Variants in KANK1 observed in about 807,000 individuals in gnomAD.
KANK1 encodes KN motif and ankyrin repeat domains 1.
Under a neutral mutation model 106.2 loss-of-function variants are expected in KANK1, and 109 were observed. That is an observed-to-expected ratio of 1.03 (90% confidence interval 0.88 to 1.20). The LOEUF (loss-of-function observed/expected upper bound fraction) is 1.20. KANK1 is among the 50% of genes most tolerant of loss of function. The pLI, the probability that KANK1 is intolerant of heterozygous loss-of-function variation, is 0.00. For synonymous variants in KANK1, 873 were observed against 652.2 expected (o/e 1.34, Z -5.16); for missense variants, 2,399 against 1,710.7 (o/e 1.40, Z -7.10).
chr9:492,237 A>G (rs1427999796), intron 3 of KANK1: 1 of 152,090 alleles, frequency 6.6e-6, no homozygotes, highest in Non-Finnish European at 1.5e-5. Flanking sequence ...TAGTTTATTT[A>G]CTCTGTGACT....
At chr9:652,236 G>T (rs1164320265) in intron 1 of KANK1, among the ~76,000 whole-genome samples, 2 of 152,150 alleles carry the variant, frequency 1.3e-5, no homozygotes, top group Admixed American at 1.3e-4. Flanking sequence ...TGTTTGCAGT[G>T]TGGGCCAGGT....
chr9:662,757 G>A (rs1050504883), intron 1 of KANK1, among the ~76,000 whole-genome samples: 1 of 150,662 alleles, frequency 6.6e-6, no homozygotes, highest in African/African-American at 2.5e-5. Context: ...CACCTCCTGG[G>A]TTGAAGTGAT....
intron 1 of KANK1, among the ~76,000 whole-genome samples, chr9:646,101 A>C (rs1447260554): frequency 1.3e-5 from 2 of 150,848 alleles, no homozygotes; most frequent in East Asian, 3.8e-4. Context: ...AAGTTTCTCT[A>C]AGTTTGTTTA....
chr9:670,952 T>G (rs961773988), intron 1 of KANK1, among the ~76,000 whole-genome samples: 2 of 22,714 alleles, frequency 8.8e-5, no homozygotes, highest in Non-Finnish European at 1.5e-4. Context: ...TGCTGGAGTT[T>G]TTTTTTTTTT....
chr9:675,521 T>C (rs1411212632), intron 1 of KANK1, among the ~76,000 whole-genome samples: 1 of 152,172 alleles, frequency 6.6e-6, no homozygotes, highest in African/African-American at 2.4e-5. Flanking sequence ...TTTTTTTCTT[T>C]TTTTGTTTTA....
intron 1 of KANK1, among the ~76,000 whole-genome samples, chr9:571,008 TA>T (rs1351012470): frequency 2.0e-5 from 3 of 152,212 alleles, no homozygotes; most frequent in African/African-American, 7.2e-5. Context: ...CAAACATATA[TA>T]TTTTTAAAAA....
intron 3 of KANK1, among the ~76,000 whole-genome samples, chr9:727,704 GTGTGTGTGTGTGTA>G (rs1409414337): frequency 1.3e-5 from 2 of 151,730 alleles, no homozygotes; most frequent in Admixed American, 6.6e-5. Flanking sequence ...GTGTGTGTGT[GTGTGTGTGTGTGTA>G]TGTGTGTGTG....
At position 713,113 on chromosome 9, in the gene KANK1, C is replaced by T. The variant is rs775626090; in HGVS notation, c.2347C>T (p.Pro783Ser). Residue 783 changes from proline (P) to serine (S), a missense_variant, in exon 3 of 12, where the codon CCA becomes TCA. Transcript: ENST00000382297. ...GLKMRTIACG[P>S]PQLTVGLTAS... Reference sequence around the variant, plus strand: ...CAAAATGAGGACTATAGCTTGTGGGCCACCACAGTTGACTGTGGGGCTGAC... The same window carrying T: ...CAAAATGAGGACTATAGCTTGTGGGTCACCACAGTTGACTGTGGGGCTGAC... 33 of 1,606,596 alleles carry T rather than the reference C, an allele frequency of 2.1e-5. No individual in the cohort carries two copies. The highest frequency in any genetic ancestry group is 1.1e-5 in the South Asian group (1 of 90,052).
At chr9:572,734 A>G (rs182058377) in intron 1 of KANK1, among the ~76,000 whole-genome samples, 1 of 152,244 alleles carries the variant, frequency 6.6e-6, no homozygotes, top group African/African-American at 2.4e-5. Context: ...TGTTAAGCAG[A>G]AATTTCTAAA....
At chr9:716,018 C>T (rs554704224) in intron 3 of KANK1, among the ~76,000 whole-genome samples, 1 of 152,186 alleles carries the variant, frequency 6.6e-6, no homozygotes, top group Non-Finnish European at 1.5e-5. Context: ...GAATGTATTT[C>T]TGAACCAAAA....
chr9:582,461 C>T (rs1055565830), intron 1 of KANK1, among the ~76,000 whole-genome samples: 2 of 152,140 alleles, frequency 1.3e-5, no homozygotes, highest in South Asian at 2.1e-4. Context: ...AATATTCCTG[C>T]AAAGAAACTC....
intron 2 of KANK1, among the ~76,000 whole-genome samples, chr9:685,263 A>G (rs1487639458): frequency 6.6e-6 from 1 of 152,204 alleles, no homozygotes; most frequent in Non-Finnish European, 1.5e-5. Flanking sequence ...GTTCTATACG[A>G]TGAGTTATCT....
intron 1 of KANK1, among the ~76,000 whole-genome samples, chr9:629,042 G>A (rs1037051130): frequency 8.3e-5 from 12 of 144,300 alleles, no homozygotes; most frequent in East Asian, 2.0e-4. Flanking sequence ...TCATGCCACC[G>A]CACTCCAGCC....
At chr9:647,905 G>A (rs185591542) in intron 1 of KANK1, among the ~76,000 whole-genome samples, 8 of 150,372 alleles carry the variant, frequency 5.3e-5, no homozygotes, top group East Asian at 1.9e-4. Context: ...TAAAGGACCC[G>A]GTTGACCCAG....
At chr9:502,975 C>T (rs1401983594), upstream of KANK1, among the ~76,000 whole-genome samples, 1 of 148,996 alleles carries the variant, frequency 6.7e-6, no homozygotes, top group African/African-American at 2.5e-5. Context: ...GCTGGGACTA[C>T]AGGCGCGCGC....
intron 1 of KANK1, among the ~76,000 whole-genome samples, chr9:593,461 C>CG (rs1563825434): frequency 7.0e-6 from 1 of 143,670 alleles, no homozygotes; most frequent in African/African-American, 2.6e-5. Context: ...TCCCCCCCCC[C>CG]ATATACTTGC....
intron 3 of KANK1, among the ~76,000 whole-genome samples, chr9:492,544 T>A (rs531799599): frequency 1.2e-4 from 19 of 152,314 alleles, no homozygotes; most frequent in Admixed American, 1.2e-3. Context: ...AGGCTGTCTG[T>A]GAGAGACAGT....
At chr9:625,968 C>T (rs1834249784) in intron 1 of KANK1, among the ~76,000 whole-genome samples, 1 of 152,090 alleles carries the variant, frequency 6.6e-6, no homozygotes, top group South Asian at 2.1e-4. Context: ...CTCCCCTGCA[C>T]TCCATTCAAC....
intron 1 of KANK1, among the ~76,000 whole-genome samples, chr9:566,864 C>T (rs1341804077): frequency 2.0e-5 from 3 of 152,192 alleles, no homozygotes; most frequent in Admixed American, 2.0e-4. Flanking sequence ...AATTAGATCC[C>T]ATTTGTCAAT....
Sources: gnomAD v4.1 joint callset for allele counts (sites outside exome capture counted in the v4.1 genomes callset) on GRCh38, gnomAD v4.1.1 for gene constraint, MANE v1.5 for transcripts, NCBI Gene and HGNC (gene_info 2026-07-23, HGNC 2026-07-21) for gene names.